ATXN2L: variants seen among roughly 807,000 people sequenced by gnomAD.
The protein encoded by ATXN2L is ataxin-2-like protein.
Under a neutral mutation model 120.7 loss-of-function variants are expected in ATXN2L, and 24 were observed. The observed-to-expected ratio is 0.20, with a 90% CI of 0.14 to 0.28. The LOEUF is 0.28. ATXN2L is among the 10% of genes least tolerant of loss of function. The probability of loss-of-function intolerance (pLI) is 1.00; values close to 1 mark genes in which losing one functional copy is unlikely to be tolerated. For synonymous variants in ATXN2L, 653 were observed against 568.1 expected (o/e 1.15, Z -2.13); for missense variants, 1,312 against 1,432.3 (o/e 0.92, Z 1.36).
chr16:28,826,983 C>G lies in ATXN2L; in HGVS notation c.738C>G (p.Asp246Glu). 1.3e-6 allele frequency: 2 copies of G among 1,545,204 alleles called. No homozygotes were observed. The highest frequency in any genetic ancestry group is 1.8e-6 in the Non-Finnish European group (2 of 1,138,798). The stretch of plus-strand genomic sequence containing the variant: ...GCGACGACTATGACCTCGAGTCTGA[C>G]ATGGTATAGCCTCCTTCCCTGAGAA... Reference protein sequence around the residue: ...SNSDDYDLESDMSNGWDPNEM... With the variant: ...SNSDDYDLESEMSNGWDPNEM... Residue 246 changes from aspartate (D) to glutamate (E), a missense_variant, in exon 6 of 22, where the codon GAC becomes GAG. Asp to Glu is a conservative substitution (Grantham distance 45). Coordinates refer to ENST00000336783, the MANE Select transcript of ATXN2L (RefSeq NM_007245.4).
intron 9 of ATXN2L, 50 bp from the exon 10 acceptor site, chr16:28,830,911 CG>C: frequency 6.9e-7 from 1 of 1,444,652 alleles, no homozygotes; most frequent in Non-Finnish European, 9.4e-7. Flanking sequence ...TGTAATAGGT[CG>C]TCTGCCTCCT....
At position 28,823,084 on chromosome 16, in the gene ATXN2L, T is replaced by G. The variant is rs1323835456; in HGVS notation, c.-176T>G. On this transcript the variant is annotated 5_prime_UTR_variant, in exon 1 of 22. Coordinates refer to ENST00000336783, the MANE Select transcript of ATXN2L (RefSeq NM_007245.4). ...CCCCTCCCCTTCCGCCTCGCGGCGC[T>G]TCCTCGCGCCGCGGTCTTCTCTCTC... The G allele has an allele frequency of 1.9e-3, 308 of 158,948 alleles. No individual in the cohort carries two copies. The highest frequency in any genetic ancestry group is 4.6e-3 in the East Asian group (29 of 6,310). The allele number at this position is 158,948 out of a possible 1,614,324, so 9.8% of individuals were successfully genotyped here.
In ATXN2L at chr16:28,835,560, G is replaced by A. The variant is rs1356701699; in HGVS notation, c.2697G>A (p.Gly899=). 4 of 1,613,512 alleles carry A rather than the reference G, an allele frequency of 2.5e-6. No homozygotes were observed. The highest frequency in any genetic ancestry group is 3.4e-6 in the Non-Finnish European group (4 of 1,179,944). The change falls in exon 21 of 22, where the codon GGG becomes GGA. Residue 899 remains glycine, a synonymous_variant. Transcript: ENST00000336783. Reference sequence around the variant, plus strand: ...CCCCTCCCCAGCAGCATCAGGCGGGGCAGGCCCCACACTTGGGCAGTGGAC... The same window carrying A: ...CCCCTCCCCAGCAGCATCAGGCGGGACAGGCCCCACACTTGGGCAGTGGAC... The part of the protein sequence containing the change: ...AAPSPVQHQA[G]QAPHLGSGQP...
intron 4 of ATXN2L, 190 bp downstream of exon 4, chr16:28,826,031 G>C: frequency 1.2e-6 from 1 of 840,944 alleles, no homozygotes; most frequent in Non-Finnish European, 1.8e-6. Flanking sequence ...AAATATTTAA[G>C]TTTAAATTTT....
chr16:28,827,117 G>A (rs966696318), intron 6 of ATXN2L, 131 bp downstream of exon 6: 4 of 1,013,758 alleles, frequency 3.9e-6, no homozygotes, highest in Admixed American at 3.9e-5. Context: ...AAATAGAAAG[G>A]TATAGAAAAT....
intron 1 of ATXN2L, chr16:28,824,179 C>T (rs1160653603): frequency 1.9e-6 from 2 of 1,038,138 alleles, no homozygotes; most frequent in South Asian, 2.8e-5. Context: ...GGTCTCATGA[C>T]CCGGGCATTC....
At chr16:28,824,460 A>G (rs1432460265) in intron 1 of ATXN2L, 10 of 1,287,484 alleles carry the variant, frequency 7.8e-6, no homozygotes, top group Non-Finnish European at 1.0e-5. Context: ...CAGCCCCGCC[A>G]GCGGCCCCCT....
At position 28,823,492 on chromosome 16, in the gene ATXN2L, C is replaced by T. The variant is rs2050322452; in HGVS notation, c.233C>T (p.Ala78Val). Residue 78 changes from alanine (A) to valine (V), a missense_variant, in exon 1 of 22, where the codon GCG becomes GTG. Transcript: ENST00000336783. ...CGCCGGGGAGCCGAAGGCATCTTGG[C>T]GCCGCAGCCGCCGCCGCCGCAGCAA... ...GLRRGAEGIL[A>V]PQPPPPQQHQ... 7.2e-7 allele frequency: 1 copy of T among 1,379,494 alleles called. No homozygotes were observed. The highest frequency in any genetic ancestry group is 3.3e-5 in the Admixed American group (1 of 30,394). The allele number at this position is 1,379,494 out of a possible 1,614,324, so 85.5% of individuals were successfully genotyped here. A position where few individuals can be genotyped will look rare whatever the true frequency, so the allele number is the denominator to read the frequency against.
chr16:28,824,178 A>G, intron 1 of ATXN2L: 1 of 1,036,846 alleles, frequency 9.6e-7, no homozygotes, highest in Non-Finnish European at 1.2e-6. Context: ...CGGTCTCATG[A>G]CCCGGGCATT....
In ATXN2L at chr16:28,835,382, G is replaced by A; in HGVS notation, c.2668G>A (p.Ala890Thr). 1 of 1,612,902 alleles carries A rather than the reference G, an allele frequency of 6.2e-7. No homozygotes were observed. Among genetic ancestry groups the A allele is most frequent in the East Asian group, 2.2e-5 (1 of 44,878 alleles). The change falls in exon 20 of 22, where the codon GCC becomes ACC. Residue 890 changes from alanine to threonine, a missense_variant. Coordinates refer to ENST00000336783, the MANE Select transcript of ATXN2L (RefSeq NM_007245.4). ...AAGCCAGCCGCAGTCCCAGCATGCG[G>A]CCCCCAGTCCTGTCCAGGTGCCTGC... is the stretch of plus-strand genomic sequence containing the variant. ...TGSQPQSQHA[A>T]PSPVQHQAGQ...
In ATXN2L at chr16:28,836,717, C is replaced by T. The variant is rs749828701; in HGVS notation, c.*452C>T. On this transcript the variant is annotated 3_prime_UTR_variant, in exon 22 of 22. Coordinates refer to ENST00000336783, the MANE Select transcript of ATXN2L (RefSeq NM_007245.4). ...AATGCTCCTGCTCTCTTCTCTTTCC[C>T]CTCCAACCAGTTCAATCTCATCCCT... is the stretch of plus-strand genomic sequence containing the variant. 1.1e-5 allele frequency: 18 copies of T among 1,613,952 alleles called. No individual in the cohort carries two copies. The highest frequency in any genetic ancestry group is 1.4e-5 in the Non-Finnish European group (17 of 1,179,962).
Position 28,836,670 on chromosome 16 carries a change from A to C in ATXN2L, c.*405A>C. ...CGCCCCCACTGGACGGCATTGGAGG[A>C]AGGGACAGCTGCTTGGGTTCTAATG... is the stretch of plus-strand genomic sequence containing the variant. On this transcript the variant is annotated 3_prime_UTR_variant, in exon 22 of 22. Transcript: ENST00000336783. The C allele has an allele frequency of 6.2e-7, 1 of 1,611,846 alleles. No individual in the cohort carries two copies. The highest frequency in any genetic ancestry group is 2.2e-5 in the East Asian group (1 of 44,778).
At chr16:28,824,679 G>A in intron 1 of ATXN2L, 1 of 958,806 alleles carries the variant, frequency 1.0e-6, no homozygotes, top group Non-Finnish European at 1.4e-6. Context: ...ACCTGAGCTA[G>A]GTAGTTCCAA....
At chr16:28,824,503 C>A in intron 1 of ATXN2L, 1 of 1,288,026 alleles carries the variant, frequency 7.8e-7, no homozygotes, top group African/African-American at 1.5e-5. Context: ...CATCAGCCAG[C>A]GACGAGCAGG....
At chr16:28,834,826 G>T in intron 18 of ATXN2L, 133 bp downstream of exon 18, 1 of 1,236,738 alleles carries the variant, frequency 8.1e-7, no homozygotes, top group Non-Finnish European at 1.1e-6. Flanking sequence ...GGTATTGGCG[G>T]TGTCAGACTT....
In ATXN2L at chr16:28,836,203, T is replaced by G. The variant is rs1244294480; in HGVS notation, c.3166T>G (p.Trp1056Gly). Residue 1056 changes from tryptophan (W) to glycine (G), a missense_variant, in exon 22 of 22, where the codon TGG (tryptophan) becomes GGG (glycine). Physicochemically the swap from Trp to Gly is radical, Grantham distance 184. Coordinates refer to ENST00000336783, the MANE Select transcript of ATXN2L (RefSeq NM_007245.4). ...TGAGTTCTCATTAGCTGGGGGAATT[T>G]GGCATGGAAGAGCTGAGGGGCTGCA... Reference protein sequence around the residue: ...IREFSLAGGIWHGRAEGLQVG... With the variant: ...IREFSLAGGIGHGRAEGLQVG... The G allele has an allele frequency of 1.2e-6, 2 of 1,613,926 alleles. No homozygotes were observed. Among genetic ancestry groups the G allele is most frequent in the Admixed American group, 3.3e-5 (2 of 60,006 alleles).
chr16:28,834,987 C>T lies in ATXN2L; in HGVS notation c.2434-71C>T, dbSNP rs1448310811. 3.8e-5 allele frequency: 59 copies of T among 1,562,484 alleles called. No individual in the cohort carries two copies. In the Middle Eastern group the frequency reaches 5.4e-4, roughly 14 times the overall value. The stretch of plus-strand genomic sequence containing the variant: ...GAGGAGGCCCAAGCGGTGCTGTGCA[C>T]GCAGTGACTGGCAGGAGGACACCTT... On this transcript the variant is annotated intron_variant, in intron 18 of 21. Transcript: ENST00000336783.
intron 2 of ATXN2L, 75 bp from the exon 3 acceptor site, chr16:28,825,549 C>G (rs1273862270): frequency 1.3e-6 from 2 of 1,540,132 alleles, no homozygotes; most frequent in Non-Finnish European, 1.8e-6. Context: ...GAGTAGAGTG[C>G]GGCGGGCATT....
intron 13 of ATXN2L, 41 bp downstream of exon 13, chr16:28,832,928 G>T: frequency 6.2e-7 from 1 of 1,609,216 alleles, no homozygotes; most frequent in Non-Finnish European, 8.5e-7. Flanking sequence ...GGGTAAAGGG[G>T]TTGGGAGTGG....
Sources: gnomAD v4.1 joint callset for allele counts on GRCh38, gnomAD v4.1.1 for gene constraint, MANE v1.5 for transcripts, NCBI Gene and HGNC (gene_info 2026-07-23, HGNC 2026-07-21) for gene names.